DPYD: variants seen among roughly 807,000 people sequenced by gnomAD.
DPYD encodes dihydropyrimidine dehydrogenase [NADP(+)].
Under a neutral mutation model 116.2 loss-of-function variants are expected in DPYD, and 109 were observed. That is an observed-to-expected ratio of 0.94 (90% CI 0.80 to 1.10). The LOEUF is 1.10. Ranked by LOEUF, DPYD falls within the 50% of genes least tolerant of loss-of-function variation. DPYD has a pLI of 0.00. For synonymous variants in DPYD, 440 were observed against 432.0 expected, an observed-to-expected ratio of 1.02 and a Z score of -0.23; for missense variants, 1,302 against 1,254.5, an observed-to-expected ratio of 1.04 and a Z score of -0.57.
chr1:97,167,577 G>A (rs928169446), intron 20 of DPYD, among the ~76,000 whole-genome samples: 1 of 152,118 alleles, frequency 6.6e-6, no homozygotes, highest in Non-Finnish European at 1.5e-5. Flanking sequence ...ATTTTGAATT[G>A]GTGAAAAGAC....
chr1:97,858,493 T>C (rs960508316), intron 2 of DPYD, among the ~76,000 whole-genome samples: 10 of 152,304 alleles, frequency 6.6e-5, no homozygotes, highest in African/African-American at 2.2e-4. Flanking sequence ...AATTGCTTCC[T>C]TTCTTCTACT....
chr1:97,418,522 A>G (rs1368804620), intron 14 of DPYD, among the ~76,000 whole-genome samples: 1 of 151,572 alleles, frequency 6.6e-6, no homozygotes, highest in Non-Finnish European at 1.5e-5. Context: ...CTGGTTTCGA[A>G]CTCCTGACCT....
At position 97,481,694 on chromosome 1, in the gene DPYD, C is replaced by T. The variant is rs116553131; in HGVS notation, c.1741-31471G>A. 6.1e-3 allele frequency among the ~76,000 whole-genome samples: 934 copies of T among 152,136 alleles called. 15 individuals carry two copies. The highest frequency in any genetic ancestry group is 0.021 in the African/African-American group (873 of 41,508). ...AAAAATAAAACCAAATATATTAATA[C>T]AACTTTTAAATTGGAATACTAAAAA... On this transcript the variant is annotated intron_variant, in intron 13 of 22. Transcript: ENST00000370192.
intron 19 of DPYD, among the ~76,000 whole-genome samples, chr1:97,199,996 T>C (rs968576125): frequency 6.6e-6 from 1 of 152,176 alleles, no homozygotes; most frequent in Non-Finnish European, 1.5e-5. Context: ...AAGGAAGCTA[T>C]CAAATAAAAT....
intron 12 of DPYD, among the ~76,000 whole-genome samples, chr1:97,547,293 G>A (rs1029276452): frequency 1.3e-5 from 2 of 152,132 alleles, no homozygotes; most frequent in African/African-American, 4.8e-5. Context: ...AAGATAGTTT[G>A]GGGGGCAGGA....
At chr1:97,555,048 C>A (rs1481186432) in intron 11 of DPYD, among the ~76,000 whole-genome samples, 1 of 152,140 alleles carries the variant, frequency 6.6e-6, no homozygotes, top group Non-Finnish European at 1.5e-5. Context: ...GTCTCACCAC[C>A]AAATTATTCC....
At chr1:97,148,181 G>A (rs1654766226) in intron 20 of DPYD, among the ~76,000 whole-genome samples, 1 of 151,458 alleles carries the variant, frequency 6.6e-6, no homozygotes, top group South Asian at 2.1e-4. Context: ...TCTGTCTCTG[G>A]GGCACTGGTA....
At chr1:97,626,634 A>G (rs1030016483) in intron 8 of DPYD, among the ~76,000 whole-genome samples, 9 of 152,052 alleles carry the variant, frequency 5.9e-5, no homozygotes, top group Middle Eastern at 3.4e-3. Flanking sequence ...TGTTAAATCA[A>G]TATCAGTTAT....
At chr1:97,471,681 C>T (rs548703614) in intron 13 of DPYD, among the ~76,000 whole-genome samples, 5 of 151,848 alleles carry the variant, frequency 3.3e-5, no homozygotes, top group East Asian at 1.9e-4. Context: ...CTCAGCCTGC[C>T]GGGTCCAAGC....
chr1:97,818,312 A>C (rs1351332662), intron 3 of DPYD, among the ~76,000 whole-genome samples: 2 of 152,062 alleles, frequency 1.3e-5, no homozygotes, highest in African/African-American at 4.8e-5. Flanking sequence ...TAGATTAATG[A>C]GTATTATAAT....
intron 18 of DPYD, among the ~76,000 whole-genome samples, chr1:97,251,409 A>G (rs924460684): frequency 4.1e-5 from 6 of 146,546 alleles, no homozygotes; most frequent in South Asian, 2.1e-4. Context: ...AAAAAAAAAA[A>G]AAAAGAAAGA....
chr1:97,472,777 T>C (rs1677733700), intron 13 of DPYD, among the ~76,000 whole-genome samples: 1 of 152,154 alleles, frequency 6.6e-6, no homozygotes, highest in African/African-American at 2.4e-5. Context: ...GAGAGAAAAA[T>C]ATAGGATAAA....
chr1:97,303,067 G>T (rs989602146), intron 18 of DPYD, among the ~76,000 whole-genome samples: 1 of 151,850 alleles, frequency 6.6e-6, no homozygotes, highest in African/African-American at 2.4e-5. Context: ...ACTACTCCAG[G>T]TGCCTCACTA....
At chr1:97,429,772 C>T (rs1311993047) in intron 14 of DPYD, among the ~76,000 whole-genome samples, 1 of 152,004 alleles carries the variant, frequency 6.6e-6, no homozygotes, top group African/African-American at 2.4e-5. Context: ...CCTGACTAAT[C>T]AATATTGGCA....
intron 20 of DPYD, 89 bp from the exon 21 acceptor site, chr1:97,098,721 CAAAT>C (rs1650446851): frequency 1.4e-6 from 2 of 1,446,476 alleles, no homozygotes; most frequent in South Asian, 2.4e-5. Context: ...TATCAACAAA[CAAAT>C]GTGTGTCTAG....
rs370363977 is a variant in DPYD, at chr1:97,740,377, T to G, written c.321+15A>C. 9.8e-5 allele frequency: 156 copies of G among 1,593,848 alleles called. No individual in the cohort carries two copies. The highest frequency in any genetic ancestry group is 8.3e-4 in the Middle Eastern group (5 of 6,024). ...ATACTGTTATTTTCATTTGCAGAGT[T>G]AAATCTGAATTTACCTTGTTTGCAA... On this transcript the variant is annotated intron_variant, in intron 4 of 22. Transcript: ENST00000370192.
chr1:97,478,824 C>G (rs906666021), intron 13 of DPYD, among the ~76,000 whole-genome samples: 1 of 152,204 alleles, frequency 6.6e-6, no homozygotes, highest in Non-Finnish European at 1.5e-5. Context: ...CATCAGTTCT[C>G]TTAGCTGGAT....
intron 20 of DPYD, among the ~76,000 whole-genome samples, chr1:97,129,473 C>A (rs1306527276): frequency 1.3e-5 from 2 of 152,122 alleles, no homozygotes; most frequent in Non-Finnish European, 2.9e-5. Flanking sequence ...TATATAGTAA[C>A]ACAGCTGCAG....
intron 19 of DPYD, among the ~76,000 whole-genome samples, chr1:97,222,342 A>T (rs2101894624): frequency 6.6e-6 from 1 of 152,252 alleles, no homozygotes; most frequent in African/African-American, 2.4e-5. Context: ...ACTCATGATT[A>T]TTCTCTAACT....
Sources: gnomAD v4.1 joint callset for allele counts (sites outside exome capture counted in the v4.1 genomes callset) on GRCh38, gnomAD v4.1.1 for gene constraint, MANE v1.5 for transcripts, NCBI Gene and HGNC (gene_info 2026-07-23, HGNC 2026-07-21) for gene names.